The following SPECC1 variants were observed in gnomAD, a reference collection of about 807,000 sequenced individuals.
The protein encoded by SPECC1 is sperm antigen with calponin homology and coiled-coil domains 1.
In SPECC1, 62 loss-of-function variants were observed where a neutral mutation model predicts 104.1. The observed-to-expected ratio is 0.60, with a 90% CI of 0.49 to 0.74. SPECC1 has a LOEUF of 0.74. Among genes scored for constraint, SPECC1 ranks in the 30% least tolerant of loss-of-function variants. The pLI is 0.00. For synonymous variants in SPECC1, 513 were observed against 501.6 expected (o/e 1.02, Z -0.30); for missense variants, 1,306 against 1,310.5 (o/e 1.00, Z 0.05).
At chr17:20,269,179 G>A (rs185774938) in intron 12 of SPECC1, among the ~76,000 whole-genome samples, 308 of 152,358 alleles carry the variant, frequency 2.0e-3, no homozygotes, top group Middle Eastern at 6.8e-3. Flanking sequence ...ACTTAACCCA[G>A]TAGGCCTGGG....
chr17:20,227,722 C>G, intron 5 of SPECC1, 102 bp downstream of exon 5: 1 of 1,076,878 alleles, frequency 9.3e-7, no homozygotes, highest in South Asian at 1.5e-5. Context: ...CGAGACCCAG[C>G]CTGACCAACA....
intron 3 of SPECC1, among the ~76,000 whole-genome samples, chr17:20,147,073 G>A (rs1400582789): frequency 2.0e-5 from 3 of 150,886 alleles, no homozygotes; most frequent in African/African-American, 7.3e-5. Context: ...ATAACAGTAT[G>A]GATCGTGATT....
At chr17:20,089,859 G>T in intron 1 of SPECC1, among the ~76,000 whole-genome samples, 1 of 152,152 alleles carries the variant, frequency 6.6e-6, no homozygotes, top group Admixed American at 6.5e-5. Flanking sequence ...CTAGAGAGGA[G>T]TCCAAGATGA....
intron 11 of SPECC1, among the ~76,000 whole-genome samples, chr17:20,259,020 G>A (rs182210021): frequency 3.4e-4 from 52 of 152,332 alleles, no homozygotes; most frequent in Non-Finnish European, 5.9e-4. Flanking sequence ...TAAAACTTAC[G>A]AGTGAGTAGA....
At position 20,101,717 on chromosome 17, in the gene SPECC1, A is replaced by AT. The variant is rs1315805975; in HGVS notation, c.147+4919_147+4920insT. ...CATTGGCTTAAGCTTGCTTCAGCAGAAAAGGAATGTACTGAGCAGATCCTA... is the reference window on the plus strand; with the variant it reads ...CATTGGCTTAAGCTTGCTTCAGCAGATAAAGGAATGTACTGAGCAGATCCTA... On this transcript the variant is annotated intron_variant, in intron 2 of 14. Coordinates refer to ENST00000395527, the MANE Select transcript of SPECC1 (RefSeq NM_001243439.2). Among the ~76,000 whole-genome samples, 5 of 152,168 alleles carry AT rather than the reference A, an allele frequency of 3.3e-5. No individual in the cohort carries two copies. The East Asian group carries it at 9.6e-4, about 29-fold the overall frequency.
At chr17:20,231,900 C>A in intron 6 of SPECC1, 69 bp downstream of exon 6, 1 of 1,471,326 alleles carries the variant, frequency 6.8e-7, no homozygotes, top group Non-Finnish European at 9.5e-7. Context: ...GTGGATCACT[C>A]TCTCTATCCT....
intron 12 of SPECC1, among the ~76,000 whole-genome samples, chr17:20,293,204 C>CT (rs5819701): frequency 0.011 from 1,580 of 144,820 alleles, 24 homozygotes; most frequent in East Asian, 0.089. Flanking sequence ...AGATTATAGG[C>CT]TTTTTTTTTT....
chr17:20,305,609 G>A (rs987575253), intron 13 of SPECC1: 1 of 157,392 alleles, frequency 6.4e-6, no homozygotes, highest in Non-Finnish European at 1.4e-5. Context: ...GAAGGACCAG[G>A]ATTGAAGGAA....
At chr17:20,082,460 G>A (rs867985174) in intron 1 of SPECC1, among the ~76,000 whole-genome samples, 18 of 152,194 alleles carry the variant, frequency 1.2e-4, no homozygotes, top group Non-Finnish European at 2.2e-4. Flanking sequence ...TTAGCCAGGC[G>A]TGGTGGTGCG....
At chr17:20,117,699 G>C (rs1285891758) in intron 3 of SPECC1, among the ~76,000 whole-genome samples, 1 of 123,674 alleles carries the variant, frequency 8.1e-6, no homozygotes, top group Admixed American at 8.6e-5. Flanking sequence ...TGGGATGATT[G>C]TCTCAAAAAA....
intron 14 of SPECC1, among the ~76,000 whole-genome samples, chr17:20,309,815 C>CTTTTTTTTTTTTT (rs763244105): frequency 1.9e-5 from 2 of 103,406 alleles, no homozygotes; most frequent in African/African-American, 8.3e-5. Flanking sequence ...TTCTCCTTTT[C>CTTTTTTTTTTTTT]TTTTTTTTTT....
chr17:20,105,806 C>T (rs1436012345), intron 2 of SPECC1, among the ~76,000 whole-genome samples: 1 of 152,224 alleles, frequency 6.6e-6, no homozygotes, highest in East Asian at 1.9e-4. Context: ...CCTTGAGTCC[C>T]AGGAACCAAC....
chr17:20,181,010 A>G (rs1201180205), intron 3 of SPECC1, among the ~76,000 whole-genome samples: 3 of 151,914 alleles, frequency 2.0e-5, no homozygotes, highest in Non-Finnish European at 2.9e-5. Context: ...AAAAAAAAAG[A>G]GATGATTATA....
At chr17:20,250,931 A>G (rs2039602554) in intron 9 of SPECC1, among the ~76,000 whole-genome samples, 1 of 152,144 alleles carries the variant, frequency 6.6e-6, no homozygotes, top group Admixed American at 6.5e-5. Context: ...CAAAGGTATA[A>G]AAAGAATATG....
At chr17:20,085,809 T>C (rs72830123) in intron 1 of SPECC1, among the ~76,000 whole-genome samples, 10,781 of 152,322 alleles carry the variant, frequency 0.071, 425 homozygotes, top group Non-Finnish European at 0.08. Flanking sequence ...TCCCGCTGCA[T>C]GTGCGAGTGG....
chr17:20,027,785 GT>G (rs765494389), intron 1 of SPECC1, among the ~76,000 whole-genome samples: 8 of 152,254 alleles, frequency 5.3e-5, no homozygotes, highest in Non-Finnish European at 1.2e-4. Flanking sequence ...GTACCATGCT[GT>G]TTTGGTTACT....
chr17:20,147,608 G>T (rs554127505), intron 3 of SPECC1, among the ~76,000 whole-genome samples: 1 of 152,280 alleles, frequency 6.6e-6, no homozygotes, highest in East Asian at 1.9e-4. Context: ...AAAAAAATTG[G>T]CTCTGAGTTG....
At chr17:20,041,299 A>C (rs2045316564) in intron 1 of SPECC1, among the ~76,000 whole-genome samples, 1 of 151,266 alleles carries the variant, frequency 6.6e-6, no homozygotes, top group Non-Finnish European at 1.5e-5. Flanking sequence ...GCAATGTGCA[A>C]TGGCGGGATC....
At chr17:20,201,311 C>CA (rs1414191669) in intron 3 of SPECC1, among the ~76,000 whole-genome samples, 4 of 147,242 alleles carry the variant, frequency 2.7e-5, no homozygotes, top group Non-Finnish European at 6.0e-5. Context: ...AAAAAAAAAA[C>CA]AAAAAAACGA....
Sources: allele counts gnomAD v4.1 joint callset (sites outside exome capture counted in the v4.1 genomes callset), GRCh38; gene constraint gnomAD v4.1.1; transcripts MANE v1.5; gene names NCBI Gene and HGNC (gene_info 2026-07-23, HGNC 2026-07-21).